The following PRKCB variants were observed in gnomAD, a reference collection of about 807,000 sequenced individuals.
PRKCB encodes the protein protein kinase C beta type.
In PRKCB, 13 loss-of-function variants were observed where a neutral mutation model predicts 81.5. The ratio of observed to expected loss-of-function variants is 0.16; its 90% confidence interval spans 0.10 to 0.25. PRKCB has a LOEUF of 0.25. Among genes scored for constraint, PRKCB ranks in the 10% least tolerant of loss-of-function variants. The pLI is 1.00. For missense variants in PRKCB, 509 were observed against 875.7 expected (o/e 0.58, Z 5.29); for synonymous variants, 335 against 321.4 (o/e 1.04, Z -0.45).
At chr16:24,178,532 A>G (rs1967571270) in intron 12 of PRKCB, among the ~76,000 whole-genome samples, 1 of 152,246 alleles carries the variant, frequency 6.6e-6, no homozygotes, top group African/African-American at 2.4e-5. Context: ...AAGGGTTGTC[A>G]TTTGTCACTA....
In PRKCB at chr16:23,951,465, C is replaced by T. The variant is rs916070362; in HGVS notation, c.206-37043C>T. Among the ~76,000 whole-genome samples, 15 of 152,186 alleles carry T rather than the reference C, an allele frequency of 9.9e-5. 1 individual carries two copies. The South Asian group carries it at 3.1e-3, about 32-fold the overall frequency. On this transcript the variant is annotated intron_variant, in intron 2 of 16. Coordinates refer to ENST00000643927, the MANE Select transcript of PRKCB (RefSeq NM_002738.7). Reference sequence around the variant, plus strand: ...TTTGAGACAGGGTCTTCCTCTGTCACCCAGGCTGGGGTACAGTGTCCAGAT... The same window carrying T: ...TTTGAGACAGGGTCTTCCTCTGTCATCCAGGCTGGGGTACAGTGTCCAGAT...
At chr16:24,030,448 GA>G (rs1476022705) in intron 3 of PRKCB, among the ~76,000 whole-genome samples, 2 of 152,154 alleles carry the variant, frequency 1.3e-5, no homozygotes, top group African/African-American at 4.8e-5. Context: ...AGCAATCATG[GA>G]AAGCTTATGC....
At chr16:24,128,900 A>G (rs146376085) in intron 9 of PRKCB, among the ~76,000 whole-genome samples, 1 of 152,274 alleles carries the variant, frequency 6.6e-6, no homozygotes, top group Non-Finnish European at 1.5e-5. Flanking sequence ...TCTTTCAAGA[A>G]TTGAACTTTG....
chr16:23,878,047 C>A (rs554395858), intron 2 of PRKCB, among the ~76,000 whole-genome samples: 1 of 151,958 alleles, frequency 6.6e-6, no homozygotes, highest in Non-Finnish European at 1.5e-5. Context: ...TTGGCCAGGC[C>A]GGTCTTGAAC....
chr16:23,961,378 A>G (rs1964423930), intron 2 of PRKCB, among the ~76,000 whole-genome samples: 1 of 152,244 alleles, frequency 6.6e-6, no homozygotes, highest in South Asian at 2.1e-4. Context: ...GATATGATCA[A>G]GGTGTTCAGC....
At chr16:23,981,108 T>C (rs902298430) in intron 2 of PRKCB, among the ~76,000 whole-genome samples, 3 of 152,152 alleles carry the variant, frequency 2.0e-5, no homozygotes, top group Non-Finnish European at 4.4e-5. Context: ...ACATTTATTA[T>C]CTTATACTTC....
chr16:24,006,834 CA>C (rs368431693), intron 3 of PRKCB, among the ~76,000 whole-genome samples: 1 of 117,552 alleles, frequency 8.5e-6, no homozygotes, highest in South Asian at 2.5e-4. Flanking sequence ...ATACGGGGAG[CA>C]GGGGGTGGGG....
At chr16:24,176,445 T>C (rs1214007621) in intron 12 of PRKCB, among the ~76,000 whole-genome samples, 1 of 152,196 alleles carries the variant, frequency 6.6e-6, no homozygotes, top group African/African-American at 2.4e-5. Context: ...TTAAATAGTA[T>C]GATCATTCTG....
intron 4 of PRKCB, among the ~76,000 whole-genome samples, chr16:24,033,761 G>A (rs189489466): frequency 8.1e-4 from 123 of 151,966 alleles, no homozygotes; most frequent in African/African-American, 2.9e-3. Flanking sequence ...GACTCTCAAA[G>A]AAGAAGAAGA....
At chr16:24,179,246 A>C (rs1967582164) in intron 12 of PRKCB, among the ~76,000 whole-genome samples, 1 of 152,192 alleles carries the variant, frequency 6.6e-6, no homozygotes, top group African/African-American at 2.4e-5. Flanking sequence ...GGACAGGCCC[A>C]CTTGACCACT....
intron 5 of PRKCB, among the ~76,000 whole-genome samples, chr16:24,090,263 C>T (rs1282053879): frequency 6.6e-6 from 1 of 152,170 alleles, no homozygotes; most frequent in Admixed American, 6.5e-5. Flanking sequence ...GAAGACACTG[C>T]CATGTTGCTG....
At chr16:24,187,382 A>G (rs187701392) in intron 15 of PRKCB, among the ~76,000 whole-genome samples, 3 of 152,158 alleles carry the variant, frequency 2.0e-5, no homozygotes, top group African/African-American at 7.2e-5. Context: ...GCATCTGCAG[A>G]TTGGGGATAA....
In PRKCB at chr16:24,154,673, C is replaced by T. The variant is rs757544207; in HGVS notation, c.1066-11C>T. 5.0e-6 allele frequency: 8 copies of T among 1,613,910 alleles called. No homozygotes were observed. Among genetic ancestry groups the T allele is most frequent in the Non-Finnish European group, 6.8e-6 (8 of 1,179,846 alleles). The stretch of plus-strand genomic sequence containing the variant: ...TTCCAACTGCCCTGACATGCTTGCT[C>T]TCTTTCCCAGGTCATGCTTTCAGAA... On this transcript the variant is annotated splice_polypyrimidine_tract_variant and intron_variant, in intron 9 of 16. Coordinates refer to ENST00000643927, the MANE Select transcript of PRKCB (RefSeq NM_002738.7).
intron 4 of PRKCB, 76 bp from the exon 5 acceptor site, chr16:24,035,343 G>T: frequency 6.4e-7 from 1 of 1,554,024 alleles, no homozygotes; most frequent in Non-Finnish European, 8.7e-7. Flanking sequence ...GGGCTCAGCG[G>T]TCTTGGGTGG....
chr16:23,903,599 T>C (rs1041307490), intron 2 of PRKCB, among the ~76,000 whole-genome samples: 1 of 152,174 alleles, frequency 6.6e-6, no homozygotes, highest in African/African-American at 2.4e-5. Flanking sequence ...AAATACGCTT[T>C]TAACTATGGG....
At chr16:24,192,283 T>G (rs1160669052) in intron 16 of PRKCB, among the ~76,000 whole-genome samples, 5 of 152,216 alleles carry the variant, frequency 3.3e-5, no homozygotes. Context: ...GAGCTGATCA[T>G]GGTTTTCGTT....
chr16:24,006,833 G>T (rs1965129035), intron 3 of PRKCB, among the ~76,000 whole-genome samples: 1 of 149,634 alleles, frequency 6.7e-6, no homozygotes, highest in South Asian at 2.1e-4. Context: ...GATACGGGGA[G>T]CAGGGGGTGG....
At chr16:23,919,446 C>A (rs1963792151) in intron 2 of PRKCB, among the ~76,000 whole-genome samples, 1 of 151,126 alleles carries the variant, frequency 6.6e-6, no homozygotes, top group African/African-American at 2.4e-5. Context: ...GATAGGGTTC[C>A]TGAATATATT....
At chr16:24,100,439 C>T (rs1007688608) in intron 7 of PRKCB, among the ~76,000 whole-genome samples, 4 of 152,172 alleles carry the variant, frequency 2.6e-5, no homozygotes, top group Admixed American at 2.6e-4. Flanking sequence ...CTCCATGCAG[C>T]ACCCTCTCTG....
Sources: gnomAD v4.1 joint callset for allele counts (sites outside exome capture counted in the v4.1 genomes callset) on GRCh38, gnomAD v4.1.1 for gene constraint, MANE v1.5 for transcripts, NCBI Gene and HGNC (gene_info 2026-07-23, HGNC 2026-07-21) for gene names.